Variants in ADGRF5 observed in about 807,000 individuals in gnomAD.
ADGRF5 encodes adhesion G protein-coupled receptor F5.
In ADGRF5, 75 loss-of-function variants were observed where a neutral mutation model predicts 132.3. That is an observed-to-expected ratio of 0.57 (90% CI 0.47 to 0.69). The LOEUF is 0.69. ADGRF5 is among the 30% of genes least tolerant of loss of function. The pLI is 0.00. For synonymous variants in ADGRF5, 629 were observed against 597.6 expected, an observed-to-expected ratio of 1.05 and a Z score of -0.77; for missense variants, 1,516 against 1,630.6, an observed-to-expected ratio of 0.93 and a Z score of 1.21.
intron 3 of ADGRF5, among the ~76,000 whole-genome samples, chr6:46,897,429 G>A (rs188526313): frequency 6.6e-6 from 1 of 152,120 alleles, no homozygotes; most frequent in African/African-American, 2.4e-5. Context: ...ATGTAAAAGG[G>A]AATAGCAATC....
intron 4 of ADGRF5, among the ~76,000 whole-genome samples, chr6:46,884,638 C>T (rs1041562002): frequency 6.6e-6 from 1 of 152,202 alleles, no homozygotes; most frequent in African/African-American, 2.4e-5. Flanking sequence ...TTTTGTACTA[C>T]CTTCTTATAT....
In ADGRF5 at chr6:46,858,906, A is replaced by G. The variant is rs1048927762; in HGVS notation, c.2997T>C (p.Pro999=). Reference sequence around the variant, plus strand: ...GGAGAGAACTAGGATCTGGGGAGTCAGGGGACATGAGGATGGAGAATGATG... The same window carrying G: ...GGAGAGAACTAGGATCTGGGGAGTCGGGGGACATGAGGATGGAGAATGATG... ...HLTSFSILMS[P]DSPDPSSLLG... is the part of the protein sequence containing the mutation. Residue 999 remains proline (P), a synonymous_variant, in exon 17 of 21, where the codon CCT becomes CCC. Coordinates refer to ENST00000283296, the MANE Select transcript of ADGRF5 (RefSeq NM_001098518.2). 8.1e-6 allele frequency: 13 copies of G among 1,613,974 alleles called. No individual in the cohort carries two copies. Among genetic ancestry groups the G allele is most frequent in the South Asian group, 2.2e-5 (2 of 91,082 alleles).
intron 19 of ADGRF5, 28 bp downstream of exon 19, chr6:46,856,687 AATG>A: frequency 8.8e-7 from 1 of 1,142,118 alleles, no homozygotes; most frequent in Non-Finnish European, 1.3e-6. Flanking sequence ...GATGTTATAA[AATG>A]AAAAGTCTCT....
At position 46,911,155 on chromosome 6, in the gene ADGRF5, C is replaced by A. The variant is rs11760027; in HGVS notation, c.-24-4369G>T. Among the ~76,000 whole-genome samples, 1,110 of 152,288 alleles carry A rather than the reference C, an allele frequency of 7.3e-3. 7 individuals are homozygous for A. Among genetic ancestry groups the A allele is most frequent in the Non-Finnish European group, 0.012 (836 of 68,028 alleles). On this transcript the variant is annotated intron_variant, in intron 1 of 20. Coordinates refer to ENST00000283296, the MANE Select transcript of ADGRF5 (RefSeq NM_001098518.2). ...AGGCAAGATGGGTTTTCCTGAAGTA[C>A]TCTTCACACAACATTCCCTGTTCAA...
rs1768990562 is a variant in ADGRF5 at position 46,855,959 on chromosome 6, G to C, written c.3961+15C>G. On this transcript the variant is annotated intron_variant, in intron 20 of 20. Transcript: ENST00000283296. ...GTTCTGGACAAGCAGGGAGAAACTG[G>C]AGGCCACTACTCACCTGTTTTACCA... 1.4e-6 allele frequency: 2 copies of C among 1,478,118 alleles called. No individual in the cohort carries two copies. The highest frequency in any genetic ancestry group is 2.3e-5 in the South Asian group (2 of 87,626). The allele number at this position is 1,478,118 out of a possible 1,614,324, so 91.6% of individuals were successfully genotyped here.
At chr6:46,860,556 T>G (rs554442421) in intron 16 of ADGRF5, among the ~76,000 whole-genome samples, 159 bp downstream of exon 16, 1 of 152,340 alleles carries the variant, frequency 6.6e-6, no homozygotes, top group East Asian at 1.9e-4. Context: ...TGGAAACATT[T>G]CCTAATATCC....
At chr6:46,878,492 G>T in intron 9 of ADGRF5, 87 bp from the exon 10 acceptor site, 1 of 788,806 alleles carries the variant, frequency 1.3e-6, no homozygotes, top group Non-Finnish European at 2.1e-6. Flanking sequence ...GATCATGACA[G>T]TACTTCATGA....
intron 1 of ADGRF5, among the ~76,000 whole-genome samples, chr6:46,951,811 C>T (rs1218252647): frequency 6.6e-6 from 1 of 152,186 alleles, no homozygotes; most frequent in Non-Finnish European, 1.5e-5. Flanking sequence ...CTCCAGGAGT[C>T]ACGGGCAAAC....
At chr6:46,885,144 A>T (rs1480321701) in intron 4 of ADGRF5, among the ~76,000 whole-genome samples, 5 of 149,248 alleles carry the variant, frequency 3.4e-5, no homozygotes, top group African/African-American at 1.2e-4. Flanking sequence ...CAGTGAGTTG[A>T]GATTGCAACC....
chr6:46,866,531 C>A (rs559853158), intron 13 of ADGRF5, among the ~76,000 whole-genome samples: 26 of 152,154 alleles, frequency 1.7e-4, no homozygotes, highest in African/African-American at 4.6e-4. Context: ...TTTTTTGGCA[C>A]TTGGTTGTTT....
intron 3 of ADGRF5, among the ~76,000 whole-genome samples, chr6:46,888,976 A>G (rs1773340487): frequency 6.6e-6 from 1 of 152,072 alleles, no homozygotes; most frequent in Admixed American, 6.6e-5. Flanking sequence ...CTGTATCTCC[A>G]GTGTTCAGAA....
chr6:46,941,045 C>A (rs1778027363), intron 1 of ADGRF5, among the ~76,000 whole-genome samples: 2 of 152,058 alleles, frequency 1.3e-5, no homozygotes, highest in East Asian at 1.9e-4. Flanking sequence ...GTTGAAAATG[C>A]AAATTCTAGG....
intron 8 of ADGRF5, among the ~76,000 whole-genome samples, chr6:46,880,740 A>T (rs1772361845): frequency 6.6e-6 from 1 of 152,234 alleles, no homozygotes; most frequent in East Asian, 1.9e-4. Context: ...TGTAGCTCTT[A>T]TTATTGTTTT....
chr6:46,900,023 A>G lies in ADGRF5; in HGVS notation c.157+6T>C, dbSNP rs2150880821. 1 of 1,599,580 alleles carries G rather than the reference A, an allele frequency of 6.3e-7. No homozygotes were observed. The highest frequency in any genetic ancestry group is 1.3e-5 in the African/African-American group (1 of 74,776). On this transcript the variant is annotated splice_donor_region_variant and intron_variant, in intron 3 of 20. Transcript: ENST00000283296. ...AAAAGGGATTGCCAAGCAAGAGTTT[A>G]CATACCGGCTCGTTTTTGCCTCAGT...
chr6:46,920,950 T>C (rs140619679), intron 1 of ADGRF5, among the ~76,000 whole-genome samples: 310 of 152,334 alleles, frequency 2.0e-3, no homozygotes, highest in African/African-American at 7.0e-3. Flanking sequence ...AATTCAAAAA[T>C]AACCTACATT....
chr6:46,911,138 T>C (rs1775910375), intron 1 of ADGRF5, among the ~76,000 whole-genome samples: 2 of 152,188 alleles, frequency 1.3e-5, no homozygotes, highest in African/African-American at 4.8e-5. Context: ...AGAGGCAAGA[T>C]GGGTTTTCCT....
intron 1 of ADGRF5, among the ~76,000 whole-genome samples, chr6:46,940,398 C>T (rs575035373): frequency 8.3e-4 from 127 of 152,322 alleles, no homozygotes; most frequent in African/African-American, 2.9e-3. Context: ...AGGGCCTCTT[C>T]TTCCCTATCC....
intron 1 of ADGRF5, among the ~76,000 whole-genome samples, chr6:46,928,490 C>T (rs1359111244): frequency 1.3e-5 from 2 of 152,172 alleles, no homozygotes; most frequent in African/African-American, 2.4e-5. Context: ...CACCTCTTCA[C>T]TGAGCGCTCC....
rs747271547 is a variant in ADGRF5, at chr6:46,883,589, A to G, written c.582T>C (p.Tyr194=). Residue 194 remains tyrosine, a synonymous_variant, in exon 6 of 21, where the codon TAT becomes TAC. Coordinates refer to ENST00000283296, the MANE Select transcript of ADGRF5 (RefSeq NM_001098518.2). ...TTTCCAAGTCGGTCTTGTAGGACCT[A>G]TAGAGGGCGGAGGAAGTGTTCATGA... is the stretch of plus-strand genomic sequence containing the variant. ...EDLMNTSSAL[Y]RSYKTDLETA... 1.9e-6 allele frequency: 3 copies of G among 1,608,800 alleles called. No homozygotes were observed. Among genetic ancestry groups the G allele is most frequent in the Non-Finnish European group, 1.7e-6 (2 of 1,177,592 alleles).
Sources: allele counts gnomAD v4.1 joint callset (sites outside exome capture counted in the v4.1 genomes callset), GRCh38; gene constraint gnomAD v4.1.1; transcripts MANE v1.5; gene names NCBI Gene and HGNC (gene_info 2026-07-23, HGNC 2026-07-21).